Variants in DLG1 observed in about 807,000 individuals in gnomAD.
The protein encoded by DLG1 is disks large homolog 1.
A neutral mutation model predicts 123.4 loss-of-function variants in DLG1; 42 were observed. The observed-to-expected ratio is 0.34, with a 90% confidence interval of 0.27 to 0.44. The LOEUF (loss-of-function observed/expected upper bound fraction) is 0.44. Among genes scored for constraint, DLG1 ranks in the 20% least tolerant of loss-of-function variants. The pLI, the probability that DLG1 is intolerant of heterozygous loss-of-function variation, is 1.00. For missense variants in DLG1, 942 were observed against 1,082.6 expected (o/e 0.87, Z 1.82); for synonymous variants, 317 against 356.2 (o/e 0.89, Z 1.24).
At chr3:197,283,103 C>T (rs1428002122) in intron 3 of DLG1, among the ~76,000 whole-genome samples, 3 of 152,190 alleles carry the variant, frequency 2.0e-5, no homozygotes, top group African/African-American at 7.2e-5. Flanking sequence ...AACTCCATCA[C>T]CAACTAGCTA....
At chr3:197,046,648 T>G (rs777543577) in intron 24 of DLG1, among the ~76,000 whole-genome samples, 95 of 152,022 alleles carry the variant, frequency 6.2e-4, no homozygotes, top group Non-Finnish European at 1.2e-3. Flanking sequence ...AAGGTGAAGG[T>G]GGGCGGATTG....
intron 16 of DLG1, among the ~76,000 whole-genome samples, chr3:197,083,501 T>A (rs1351838715): frequency 6.6e-6 from 1 of 152,202 alleles, no homozygotes; most frequent in Non-Finnish European, 1.5e-5. Context: ...CTCAGGGGAA[T>A]TCTGAAATGA....
At chr3:197,297,797 C>T (rs1778243681) in intron 1 of DLG1, 2 of 985,478 alleles carry the variant, frequency 2.0e-6, no homozygotes, top group South Asian at 4.7e-5. Flanking sequence ...GCGGCGCCGC[C>T]ACAAAGTTCC....
At chr3:197,117,425 A>G (rs1468809838) in intron 12 of DLG1, among the ~76,000 whole-genome samples, 2 of 152,238 alleles carry the variant, frequency 1.3e-5, no homozygotes, top group Non-Finnish European at 2.9e-5. Context: ...CAAAAGGTGA[A>G]AATAACTCAA....
chr3:197,272,275 C>T (rs980431603), intron 4 of DLG1, among the ~76,000 whole-genome samples: 3 of 151,564 alleles, frequency 2.0e-5, no homozygotes, highest in Non-Finnish European at 1.5e-5. Flanking sequence ...AGCTTGAGCC[C>T]GTTAGTTCAA....
chr3:197,072,041 G>A (rs1029889829), intron 18 of DLG1, among the ~76,000 whole-genome samples: 7 of 152,132 alleles, frequency 4.6e-5, no homozygotes, highest in African/African-American at 9.7e-5. Flanking sequence ...GACAATATAT[G>A]CAGTTTCATA....
At chr3:197,235,350 T>G (rs981189896) in intron 4 of DLG1, among the ~76,000 whole-genome samples, 1 of 152,134 alleles carries the variant, frequency 6.6e-6, no homozygotes, top group Non-Finnish European at 1.5e-5. Flanking sequence ...AAATAGTGAG[T>G]ACCCTTGAGA....
At chr3:197,250,691 A>G (rs1753954271) in intron 4 of DLG1, among the ~76,000 whole-genome samples, 1 of 152,174 alleles carries the variant, frequency 6.6e-6, no homozygotes, top group Non-Finnish European at 1.5e-5. Flanking sequence ...AAAGATCTAT[A>G]CAGGAAAACT....
intron 5 of DLG1, among the ~76,000 whole-genome samples, chr3:197,189,079 A>C (rs1717763417): frequency 6.6e-6 from 1 of 152,240 alleles, no homozygotes; most frequent in Admixed American, 6.5e-5. Context: ...TTCTATCAGA[A>C]TACAATCTGT....
intron 18 of DLG1, among the ~76,000 whole-genome samples, chr3:197,072,702 A>C (rs992242898): frequency 6.6e-5 from 10 of 151,274 alleles, no homozygotes; most frequent in African/African-American, 2.4e-4. Flanking sequence ...AAACAAAAAA[A>C]CAAAAAAAAA....
At chr3:197,269,181 T>C (rs531963497) in intron 4 of DLG1, among the ~76,000 whole-genome samples, 5 of 152,334 alleles carry the variant, frequency 3.3e-5, no homozygotes, top group African/African-American at 9.6e-5. Context: ...AAGTATTATG[T>C]ACTGTACCTA....
intron 11 of DLG1, among the ~76,000 whole-genome samples, chr3:197,124,272 T>C (rs1777885701): frequency 1.3e-5 from 2 of 152,150 alleles, no homozygotes; most frequent in Admixed American, 6.5e-5. Flanking sequence ...ATTTCTTTAC[T>C]GGGTATGTTT....
At chr3:197,119,257 A>G (rs980864334) in intron 12 of DLG1, among the ~76,000 whole-genome samples, 153 bp downstream of exon 12, 1 of 152,212 alleles carries the variant, frequency 6.6e-6, no homozygotes, top group Non-Finnish European at 1.5e-5. Flanking sequence ...AGGCTCTTCA[A>G]TGAATCCTCC....
At chr3:197,213,681 A>G (rs751331967) in intron 4 of DLG1, among the ~76,000 whole-genome samples, 6 of 152,238 alleles carry the variant, frequency 3.9e-5, no homozygotes, top group Admixed American at 1.3e-4. Flanking sequence ...TAAAGGGCCA[A>G]TCTCTATGAA....
At chr3:197,294,033 T>G (rs1163266109) in intron 3 of DLG1, 1 of 152,288 alleles carries the variant, frequency 6.6e-6, no homozygotes, top group Non-Finnish European at 1.5e-5. Context: ...ATGACACTGT[T>G]TCAAAACAAT....
chr3:197,148,538 T>C (rs983511365), intron 6 of DLG1, among the ~76,000 whole-genome samples: 1 of 152,080 alleles, frequency 6.6e-6, no homozygotes, highest in Non-Finnish European at 1.5e-5. Flanking sequence ...CCCATATATT[T>C]ACAGTTAACT....
intron 15 of DLG1, among the ~76,000 whole-genome samples, chr3:197,090,010 C>A (rs1475111103): frequency 6.6e-6 from 1 of 151,698 alleles, no homozygotes; most frequent in Non-Finnish European, 1.5e-5. Flanking sequence ...TAAGTCATAT[C>A]ATATGTAAAC....
intron 4 of DLG1, among the ~76,000 whole-genome samples, chr3:197,252,428 T>C (rs1754902064): frequency 6.6e-6 from 1 of 152,142 alleles, no homozygotes. Context: ...TTTTGACATA[T>C]ACTATAACAT....
intron 18 of DLG1, among the ~76,000 whole-genome samples, chr3:197,073,292 GTGT>G (rs1177018938): frequency 1.3e-5 from 2 of 152,144 alleles, no homozygotes; most frequent in African/African-American, 4.8e-5. Context: ...AATTTTTGAG[GTGT>G]TGTACAACAT....
Sources: allele counts gnomAD v4.1 joint callset (sites outside exome capture counted in the v4.1 genomes callset), GRCh38; gene constraint gnomAD v4.1.1; transcripts MANE v1.5; gene names NCBI Gene and HGNC (gene_info 2026-07-23, HGNC 2026-07-21).